GULP1: variants seen among roughly 807,000 people sequenced by gnomAD.
The protein encoded by GULP1 is PTB domain-containing engulfment adapter protein 1.
In GULP1, 19 loss-of-function variants were observed where a neutral mutation model predicts 40.9. That is an observed-to-expected ratio of 0.46 (90% CI 0.32 to 0.68). The LOEUF is 0.68. Ranked by LOEUF, GULP1 falls within the 30% of genes least tolerant of loss-of-function variation. The pLI, the probability that GULP1 is intolerant of heterozygous loss-of-function variation, is 0.03. For missense variants in GULP1, 312 were observed against 362.2 expected (o/e 0.86, Z 1.12); for synonymous variants, 119 against 117.6 (o/e 1.01, Z -0.08).
At chr2:188,563,991 C>T (rs1697006673) in intron 7 of GULP1, among the ~76,000 whole-genome samples, 1 of 151,858 alleles carries the variant, frequency 6.6e-6, no homozygotes, top group African/African-American at 2.4e-5. Flanking sequence ...AATCAATCAA[C>T]GTAATACAAC....
At chr2:188,472,043 T>C (rs945298073) in intron 2 of GULP1, among the ~76,000 whole-genome samples, 1 of 152,240 alleles carries the variant, frequency 6.6e-6, no homozygotes, top group African/African-American at 2.4e-5. Context: ...GTATATACTA[T>C]TCTAGGATAA....
At chr2:188,317,163 C>T (rs2039217831) in intron 1 of GULP1, among the ~76,000 whole-genome samples, 1 of 152,180 alleles carries the variant, frequency 6.6e-6, no homozygotes, top group African/African-American at 2.4e-5. Context: ...AATCTGGCCT[C>T]AGCCACTTGA....
At chr2:188,408,830 A>AC (rs1384028805) in intron 2 of GULP1, among the ~76,000 whole-genome samples, 1 of 152,218 alleles carries the variant, frequency 6.6e-6, no homozygotes, top group Non-Finnish European at 1.5e-5. Context: ...TTTTCCATTC[A>AC]CAGTGGTGTA....
At chr2:188,569,088 C>G in intron 7 of GULP1, 151 bp from the exon 8 acceptor site, 1 of 567,804 alleles carries the variant, frequency 1.8e-6, no homozygotes. Flanking sequence ...CTACCTTGCT[C>G]ATTTAATACA....
At chr2:188,548,040 AG>A (rs1310999015) in intron 7 of GULP1, among the ~76,000 whole-genome samples, 1 of 152,096 alleles carries the variant, frequency 6.6e-6, no homozygotes, top group African/African-American at 2.4e-5. Context: ...GGTAAAAAAA[AG>A]TATGCTTTCC....
intron 1 of GULP1, among the ~76,000 whole-genome samples, chr2:188,336,934 A>G (rs1461391196): frequency 6.6e-6 from 1 of 151,990 alleles, no homozygotes; most frequent in Admixed American, 6.6e-5. Flanking sequence ...ATCCATGATA[A>G]TTTTTTCATA....
intron 2 of GULP1, among the ~76,000 whole-genome samples, chr2:188,462,210 G>A (rs2059764527): frequency 6.6e-6 from 1 of 151,984 alleles, no homozygotes; most frequent in African/African-American, 2.4e-5. Flanking sequence ...AGCATATTGT[G>A]TAATTTTTAT....
At chr2:188,309,736 T>C (rs1174485959) in intron 1 of GULP1, among the ~76,000 whole-genome samples, 1 of 152,168 alleles carries the variant, frequency 6.6e-6, no homozygotes, top group Non-Finnish European at 1.5e-5. Context: ...ATCAATCTTG[T>C]GGAATAATAT....
Position 188,477,731 on chromosome 2 carries a change from G to GTA in GULP1, c.28+2_28+3dup. The GTA allele has an allele frequency of 6.3e-7, 1 of 1,597,872 alleles. No individual in the cohort carries two copies. The highest frequency in any genetic ancestry group is 2.3e-5 in the East Asian group (1 of 44,160). ...AACCGTGCTTTTAGCAGGAAGAAAG[G>GTA]TAAGTGTGGTCATTTTTTAAAACTT... On this transcript the variant is annotated splice_donor_variant, in intron 3 of 11. Coordinates refer to ENST00000409830, the MANE Select transcript of GULP1 (RefSeq NM_016315.4). LOFTEE classifies it high-confidence loss of function.
At chr2:188,460,423 CTT>C (rs58423265) in intron 2 of GULP1, among the ~76,000 whole-genome samples, 2 of 143,666 alleles carry the variant, frequency 1.4e-5, no homozygotes, top group African/African-American at 2.6e-5. Context: ...AATGGGAATT[CTT>C]TTTTTTTTTT....
At chr2:188,378,891 G>C (rs1203059446) in intron 1 of GULP1, among the ~76,000 whole-genome samples, 1 of 152,098 alleles carries the variant, frequency 6.6e-6, no homozygotes, top group African/African-American at 2.4e-5. Context: ...TTCAGTTTTA[G>C]AAAAAGACTG....
chr2:188,327,509 G>T (rs2040919683), intron 1 of GULP1, among the ~76,000 whole-genome samples: 1 of 152,068 alleles, frequency 6.6e-6, no homozygotes, highest in African/African-American at 2.4e-5. Flanking sequence ...GACTGTAGAG[G>T]CTATTTACTA....
intron 2 of GULP1, among the ~76,000 whole-genome samples, chr2:188,456,046 T>C (rs1019343022): frequency 2.0e-5 from 3 of 152,130 alleles, no homozygotes; most frequent in African/African-American, 7.2e-5. Flanking sequence ...GTGGAAGAAA[T>C]TTCTAAACAG....
intron 2 of GULP1, among the ~76,000 whole-genome samples, chr2:188,400,944 T>TGA: frequency 6.6e-6 from 1 of 151,204 alleles, no homozygotes; most frequent in Non-Finnish European, 1.5e-5. Context: ...TGTGTGTGTG[T>TGA]GTGTGTGTGT....
At chr2:188,425,876 A>G (rs529664874) in intron 2 of GULP1, among the ~76,000 whole-genome samples, 95 of 152,304 alleles carry the variant, frequency 6.2e-4, no homozygotes, top group African/African-American at 2.1e-3. Context: ...TTGGATATGT[A>G]TCTAGGATCG....
At chr2:188,386,428 A>G (rs111361956) in intron 2 of GULP1, among the ~76,000 whole-genome samples, 75 of 152,284 alleles carry the variant, frequency 4.9e-4, no homozygotes, top group African/African-American at 1.7e-3. Context: ...CAGCCAAACC[A>G]TATCAATTAT....
intron 4 of GULP1, among the ~76,000 whole-genome samples, chr2:188,487,949 G>T (rs1342826153): frequency 6.6e-6 from 1 of 151,854 alleles, no homozygotes; most frequent in African/African-American, 2.4e-5. Context: ...CTTTATTTGG[G>T]TTCAAAATAC....
intron 5 of GULP1, among the ~76,000 whole-genome samples, chr2:188,528,565 C>T (rs971717383): frequency 6.6e-6 from 1 of 151,774 alleles, no homozygotes. Flanking sequence ...GAGTCTAGTT[C>T]TATACCTGAG....
intron 1 of GULP1, among the ~76,000 whole-genome samples, chr2:188,311,186 T>C (rs188420920): frequency 2.0e-5 from 3 of 152,314 alleles, no homozygotes; most frequent in East Asian, 1.9e-4. Context: ...CAGTTGGTTA[T>C]TGGTTTCCAC....
Sources: gnomAD v4.1 joint callset for allele counts (sites outside exome capture counted in the v4.1 genomes callset) on GRCh38, gnomAD v4.1.1 for gene constraint, MANE v1.5 for transcripts, NCBI Gene and HGNC (gene_info 2026-07-23, HGNC 2026-07-21) for gene names.